DNAJA3: variants seen among roughly 807,000 people sequenced by gnomAD.
DNAJA3 encodes dnaJ homolog subfamily A member 3, mitochondrial.
A neutral mutation model predicts 54.9 loss-of-function variants in DNAJA3; 29 were observed. That is an observed-to-expected ratio of 0.53 (90% CI 0.39 to 0.72). The LOEUF is 0.72. DNAJA3 is among the 30% of genes least tolerant of loss of function. The probability of loss-of-function intolerance (pLI) is 0.00; values close to 1 mark genes in which losing one functional copy is unlikely to be tolerated. For missense variants in DNAJA3, 708 were observed against 639.4 expected, an observed-to-expected ratio of 1.11 and a Z score of -1.16; for synonymous variants, 302 against 251.4, an observed-to-expected ratio of 1.20 and a Z score of -1.90.
chr16:4,448,317 G>T (rs146048153), intron 8 of DNAJA3, among the ~76,000 whole-genome samples: 2 of 146,046 alleles, frequency 1.4e-5, no homozygotes, highest in Non-Finnish European at 3.0e-5. Flanking sequence ...GAGCCACTGC[G>T]CCCGGCCTTT....
chr16:4,454,178 C>T (rs538194553), intron 10 of DNAJA3, among the ~76,000 whole-genome samples: 4 of 152,308 alleles, frequency 2.6e-5, no homozygotes, highest in Admixed American at 6.5e-5. Flanking sequence ...AAGGATTGTG[C>T]GTGGCCGTGA....
intron 10 of DNAJA3, among the ~76,000 whole-genome samples, chr16:4,452,706 C>T (rs1043677728): frequency 3.3e-5 from 5 of 152,066 alleles, no homozygotes; most frequent in East Asian, 1.9e-4. Flanking sequence ...CCCAGGAGTT[C>T]GAGACCAGCC....
At chr16:4,436,276 T>A (rs1246595665) in intron 2 of DNAJA3, among the ~76,000 whole-genome samples, 3 of 151,768 alleles carry the variant, frequency 2.0e-5, no homozygotes, top group African/African-American at 7.3e-5. Context: ...AGCTCAAGAG[T>A]CAGGTGCCTG....
chr16:4,426,141 G>A lies in DNAJA3; in HGVS notation c.211+49G>A, dbSNP rs28537572. 6.1e-3 allele frequency: 9,073 copies of A among 1,480,704 alleles called. 510 individuals are homozygous for A. The African/African-American group carries it at 0.12, about 19-fold the overall frequency. The allele number at this position is 1,480,704 out of a possible 1,614,324, so 91.7% of individuals were successfully genotyped here. ...AGTGGCGGTTTCAGGGCCTAGAAAA[G>A]AGTGAGTCTCCTCGCTGTGACTACG... On this transcript the variant is annotated intron_variant, in intron 1 of 11. Transcript: ENST00000262375.
In DNAJA3 at chr16:4,441,588, C is replaced by A; in HGVS notation, c.630+13C>A. On this transcript the variant is annotated intron_variant, in intron 4 of 11. Transcript: ENST00000262375. ...TCAGCCTCAGGAAGTAAGTTCCTCA[C>A]TTGGAAGAATTATTCAAATTTTAGA... 6.2e-7 allele frequency: 1 copy of A among 1,611,368 alleles called. No homozygotes were observed. Among genetic ancestry groups the A allele is most frequent in the Non-Finnish European group, 8.5e-7 (1 of 1,179,010 alleles).
chr16:4,431,704 A>G (rs2056704117), intron 1 of DNAJA3: 1 of 151,886 alleles, frequency 6.6e-6, no homozygotes, highest in Non-Finnish European at 1.5e-5. Context: ...CAGCCTCCCA[A>G]GTAGCTGGGA....
intron 1 of DNAJA3, 79 bp downstream of exon 1, chr16:4,426,171 C>G (rs2056619930): frequency 3.6e-6 from 5 of 1,388,088 alleles, no homozygotes; most frequent in Non-Finnish European, 4.8e-6. Context: ...ACTACGGCTG[C>G]AGGGGTAGTG....
intron 4 of DNAJA3, 90 bp downstream of exon 4, chr16:4,441,665 C>T (rs761657271): frequency 1.5e-6 from 2 of 1,364,278 alleles, no homozygotes; most frequent in Non-Finnish European, 2.0e-6. Flanking sequence ...CTCAGAAAGG[C>T]AAGGCAGCTT....
Position 4,455,598 on chromosome 16 carries a change from A to T in DNAJA3, c.*66A>T. ...GGAAGCAGCAGCCCCTCCAAGGGCC[A>T]GGGCACCTGGGAGACGGGAGGATTC... is the stretch of plus-strand genomic sequence containing the variant. On this transcript the variant is annotated 3_prime_UTR_variant, in exon 12 of 12. Coordinates refer to ENST00000262375, the MANE Select transcript of DNAJA3 (RefSeq NM_005147.6). The T allele has an allele frequency of 6.4e-7, 1 of 1,551,608 alleles. No individual in the cohort carries two copies.
intron 10 of DNAJA3, among the ~76,000 whole-genome samples, 190 bp downstream of exon 10, chr16:4,450,687 G>A (rs1388080518): frequency 2.0e-5 from 3 of 152,164 alleles, no homozygotes; most frequent in Non-Finnish European, 4.4e-5. Context: ...TCCAAGCTTC[G>A]CCTCCTCTCT....
At chr16:4,443,185 T>C (rs1008733378) in intron 6 of DNAJA3, 21 bp downstream of exon 6, 5 of 1,613,218 alleles carry the variant, frequency 3.1e-6, no homozygotes, top group Non-Finnish European at 4.2e-6. Flanking sequence ...GGGCCCGCCA[T>C]GTCCAGGAGC....
chr16:4,449,200 G>A (rs978906958), intron 9 of DNAJA3, among the ~76,000 whole-genome samples: 9 of 151,690 alleles, frequency 5.9e-5, no homozygotes, highest in Non-Finnish European at 1.3e-4. Context: ...GTTTCACCGT[G>A]TTAGCCAGAG....
chr16:4,443,205 G>T (rs372411564), intron 6 of DNAJA3, 41 bp downstream of exon 6: 6 of 1,610,212 alleles, frequency 3.7e-6, no homozygotes, highest in Non-Finnish European at 5.1e-6. Context: ...CTTGGAGAGG[G>T]CAGACAGGGT....
In DNAJA3 at chr16:4,428,076, T is replaced by C. The variant is rs375110208; in HGVS notation, c.211+1984T>C. Reference sequence around the variant, plus strand: ...ACGCCATTCTCCTGCCTCAGCCTTCTGAGTAGCTGGGACTACAGGCGCCCG... The same window carrying C: ...ACGCCATTCTCCTGCCTCAGCCTTCCGAGTAGCTGGGACTACAGGCGCCCG... On this transcript the variant is annotated intron_variant, in intron 1 of 11. Transcript: ENST00000262375. Among the ~76,000 whole-genome samples the C allele has an allele frequency of 5.7e-4, 87 of 152,158 alleles. 1 individual carries two copies. The highest frequency in any genetic ancestry group is 2.0e-3 in the African/African-American group (84 of 41,496).
chr16:4,440,526 G>A (rs928299191), intron 3 of DNAJA3: 1 of 151,850 alleles, frequency 6.6e-6, no homozygotes, highest in Admixed American at 6.6e-5. Flanking sequence ...GAGAGGCAGA[G>A]GTTGCAGTGA....
intron 2 of DNAJA3, 58 bp from the exon 3 acceptor site, chr16:4,437,343 GT>G: frequency 7.0e-7 from 1 of 1,429,182 alleles, no homozygotes; most frequent in East Asian, 2.3e-5. Context: ...GGGTTTTGTT[GT>G]TTCTGGTATT....
At chr16:4,444,626 G>T (rs369168810) in intron 6 of DNAJA3, 38 bp from the exon 7 acceptor site, 1 of 1,594,188 alleles carries the variant, frequency 6.3e-7, no homozygotes, top group African/African-American at 1.3e-5. Context: ...GAGCCACCGC[G>T]TCCTGCCTAA....
At chr16:4,448,917 G>T (rs1255228819) in intron 9 of DNAJA3, 69 bp downstream of exon 9, 55 of 1,210,622 alleles carry the variant, frequency 4.5e-5, no homozygotes, top group East Asian at 1.5e-4. Context: ...GAGCTCTGTG[G>T]CTTGGGCAGG....
In DNAJA3 at chr16:4,448,762, G is replaced by T. The variant is rs992305284; in HGVS notation, c.1155G>T (p.Lys385Asn). 1.1e-5 allele frequency: 17 copies of T among 1,614,154 alleles called. No homozygotes were observed. The highest frequency in any genetic ancestry group is 1.3e-5 in the Non-Finnish European group (15 of 1,179,998). ...CCCCTGGGACTCAGACAGACCAGAA[G>T]ATTCGGATGGGTGGGAAAGGCATCC... ...TIPPGTQTDQKIRMGGKGIPR... is the reference protein window; with the variant it reads ...TIPPGTQTDQNIRMGGKGIPR... Residue 385 changes from lysine (K) to asparagine (N), a missense_variant, in exon 9 of 12, where the codon AAG becomes AAT. Transcript: ENST00000262375.
Sources: allele counts gnomAD v4.1 joint callset (sites outside exome capture counted in the v4.1 genomes callset), GRCh38; gene constraint gnomAD v4.1.1; transcripts MANE v1.5; gene names NCBI Gene and HGNC (gene_info 2026-07-23, HGNC 2026-07-21).